The following LRRC39 variants were observed in gnomAD, a reference collection of about 807,000 sequenced individuals.
LRRC39 encodes the protein leucine rich repeat containing 39.
Under a neutral mutation model 39.7 loss-of-function variants are expected in LRRC39, and 35 were observed. The observed-to-expected ratio is 0.88, with a 90% CI of 0.67 to 1.17. The LOEUF (loss-of-function observed/expected upper bound fraction) is 1.17, where lower values mean the gene tolerates loss of function less well. Among genes scored for constraint, LRRC39 ranks in the 50% most tolerant of loss-of-function variants. The pLI is 0.00. For missense variants in LRRC39, 357 were observed against 385.8 expected, an observed-to-expected ratio of 0.93 and a Z score of 0.62; for synonymous variants, 113 against 134.1, an observed-to-expected ratio of 0.84 and a Z score of 1.09.
In LRRC39 at chr1:100,148,506, C is replaced by A; in HGVS notation, c.*536G>T. The stretch of plus-strand genomic sequence containing the variant: ...TATAATGTGTCTTGGAAGCATGGGA[C>A]AAAGTACTTAGTACATTATGGGTTA... On this transcript the variant is annotated 3_prime_UTR_variant, in exon 10 of 10. Transcript: ENST00000370137. 9.4e-7 allele frequency: 1 copy of A among 1,068,082 alleles called. No individual in the cohort carries two copies. The highest frequency in any genetic ancestry group is 1.6e-5 in the African/African-American group (1 of 61,740). The allele number at this position is 1,068,082 out of a possible 1,614,324, so 66.2% of individuals were successfully genotyped here. A position where few individuals can be genotyped will look rare whatever the true frequency, so the allele number is the denominator to read the frequency against.
intron 1 of LRRC39, among the ~76,000 whole-genome samples, chr1:100,176,616 CCATATATAGAG>C (rs1659980487): frequency 6.6e-6 from 1 of 152,142 alleles, no homozygotes; most frequent in African/African-American, 2.4e-5. Context: ...AAGCCACAGT[CCATATATAGAG>C]CCAACAAAAT....
chr1:100,154,680 A>G lies in LRRC39; in HGVS notation c.812+371T>C, dbSNP rs1021805957. Among the ~76,000 whole-genome samples, 10 of 152,382 alleles carry G rather than the reference A, an allele frequency of 6.6e-5. No individual in the cohort carries two copies. In the East Asian group the frequency reaches 1.9e-3, roughly 29 times the overall value. ...AGTCATGCTTTTTTTCAGTTGATTC[A>G]AAATTTTGTCAACCAAGTTTTCAAA... On this transcript the variant is annotated intron_variant, in intron 8 of 9. Coordinates refer to ENST00000370137, the MANE Select transcript of LRRC39 (RefSeq NM_144620.4).
At chr1:100,151,096 T>G (rs1250641884) in intron 9 of LRRC39, among the ~76,000 whole-genome samples, 1 of 131,932 alleles carries the variant, frequency 7.6e-6, no homozygotes, top group Non-Finnish European at 1.5e-5. Flanking sequence ...ACCATTGCAC[T>G]CTAGCCTGGG....
intron 5 of LRRC39, 25 bp downstream of exon 5, chr1:100,159,234 C>T (rs749785967): frequency 3.9e-6 from 6 of 1,553,574 alleles, no homozygotes; most frequent in Admixed American, 1.9e-5. Context: ...TAAAATAGCA[C>T]AGGAATAAAA....
rs1183229986 is a variant in LRRC39 at position 100,168,439 on chromosome 1, A to G, written c.78T>C (p.Asn26=). 6.2e-7 allele frequency: 1 copy of G among 1,612,346 alleles called. No homozygotes were observed. Residue 26 remains asparagine (N), a synonymous_variant, in exon 3 of 10, where the codon AAT becomes AAC. Coordinates refer to ENST00000370137, the MANE Select transcript of LRRC39 (RefSeq NM_144620.4). ...EVWEKRIKKL[N]EDLKREKEFQ... is the part of the protein sequence containing the mutation. ...ATTCCTTCTCTCGCTTCAGGTCTTCATTGAGTTTCTTTATTCTTTTTTCCC... is the reference window on the plus strand; with the variant it reads ...ATTCCTTCTCTCGCTTCAGGTCTTCGTTGAGTTTCTTTATTCTTTTTTCCC...
chr1:100,156,791 C>A (rs1371932646), intron 6 of LRRC39, among the ~76,000 whole-genome samples: 1 of 152,118 alleles, frequency 6.6e-6, no homozygotes, highest in Non-Finnish European at 1.5e-5. Context: ...TGAGACCAGC[C>A]TGGGCAACAT....
In LRRC39 at chr1:100,159,414, G is replaced by T; in HGVS notation, c.221C>A (p.Thr74Asn). 6.3e-7 allele frequency: 1 copy of T among 1,588,522 alleles called. No individual in the cohort carries two copies. The highest frequency in any genetic ancestry group is 8.5e-7 in the Non-Finnish European group (1 of 1,169,920). ...CAGTTTCAGCAGAGAAGAAGGGAGG[G>T]TCTACAGTAAAAGAAATGATGGTTG... is the stretch of plus-strand genomic sequence containing the variant. ...ILKIEKEEWKTLPSSLLKLNQ... is the reference protein window; with the variant it reads ...ILKIEKEEWKNLPSSLLKLNQ... Residue 74 changes from threonine (T) to asparagine (N), a missense_variant and splice_region_variant, in exon 5 of 10, where the codon ACC becomes AAC. By Grantham distance (65) the Thr-to-Asn change is moderately conservative (BLOSUM62 0). Transcript: ENST00000370137.
intron 8 of LRRC39, among the ~76,000 whole-genome samples, chr1:100,154,177 C>G (rs935266749): frequency 3.3e-5 from 5 of 151,752 alleles, no homozygotes; most frequent in Non-Finnish European, 5.9e-5. Context: ...AACTAAAACC[C>G]AAAAATGTCT....
At chr1:100,154,011 GT>G (rs1340692275) in intron 8 of LRRC39, among the ~76,000 whole-genome samples, 1 of 150,590 alleles carries the variant, frequency 6.6e-6, no homozygotes. Context: ...TGTGAGTGAA[GT>G]TTTTTTAGCT....
intron 9 of LRRC39, chr1:100,149,666 TAATG>T (rs927819776): frequency 8.7e-6 from 3 of 345,990 alleles, no homozygotes; most frequent in Non-Finnish European, 1.6e-5. Context: ...AGAAATTAGA[TAATG>T]AAACCAAAAA....
At chr1:100,179,442 A>C (rs57124158), upstream of LRRC39, among the ~76,000 whole-genome samples, 221 of 134,432 alleles carry the variant, frequency 1.6e-3, 1 homozygote, top group African/African-American at 5.8e-3. Flanking sequence ...TGGTAGGATC[A>C]CTTGAGCCCA....
intron 7 of LRRC39, 92 bp from the exon 8 acceptor site, chr1:100,155,295 T>TA: frequency 8.6e-7 from 1 of 1,166,900 alleles, no homozygotes; most frequent in Non-Finnish European, 1.2e-6. Flanking sequence ...GTAGGGGTCT[T>TA]ATCATGTTGT....
chr1:100,163,595 TAAAAAAAAA>T (rs11455249), intron 3 of LRRC39, among the ~76,000 whole-genome samples: 1 of 132,336 alleles, frequency 7.6e-6, no homozygotes, highest in South Asian at 2.4e-4. Context: ...CAGCTTTTTC[TAAAAAAAAA>T]AAAAAAAAAA....
intron 2 of LRRC39, among the ~76,000 whole-genome samples, chr1:100,171,966 A>C (rs569155560): frequency 6.6e-6 from 1 of 152,320 alleles, no homozygotes; most frequent in South Asian, 2.1e-4. Context: ...TTTTAGAAGA[A>C]ATGAGGCTAA....
At chr1:100,158,121 T>C in intron 6 of LRRC39, 110 bp downstream of exon 6, 1 of 1,208,122 alleles carries the variant, frequency 8.3e-7, no homozygotes, top group Non-Finnish European at 1.2e-6. Context: ...ATATTTTTTC[T>C]GAAATACATA....
At chr1:100,153,896 G>T (rs1286721103) in intron 8 of LRRC39, among the ~76,000 whole-genome samples, 3 of 151,932 alleles carry the variant, frequency 2.0e-5, no homozygotes, top group Non-Finnish European at 4.4e-5. Context: ...GCTGTTATAG[G>T]CATGCACCAC....
At chr1:100,174,243 A>C (rs1399741709) in intron 1 of LRRC39, among the ~76,000 whole-genome samples, 1 of 152,158 alleles carries the variant, frequency 6.6e-6, no homozygotes, top group African/African-American at 2.4e-5. Context: ...AGTGTACCTG[A>C]ATAAGGAACC....
chr1:100,164,551 C>T (rs1202709465), intron 3 of LRRC39, among the ~76,000 whole-genome samples: 1 of 152,138 alleles, frequency 6.6e-6, no homozygotes, highest in Non-Finnish European at 1.5e-5. Context: ...AAAGTAAGGA[C>T]ATTTCTTTGG....
At chr1:100,154,159 A>C (rs976747449) in intron 8 of LRRC39, among the ~76,000 whole-genome samples, 2 of 152,172 alleles carry the variant, frequency 1.3e-5, no homozygotes, top group African/African-American at 4.8e-5. Flanking sequence ...CAAGCTATGT[A>C]AAATCCCAAC....
Sources: gnomAD v4.1 joint callset for allele counts (sites outside exome capture counted in the v4.1 genomes callset) on GRCh38, gnomAD v4.1.1 for gene constraint, MANE v1.5 for transcripts, NCBI Gene and HGNC (gene_info 2026-07-23, HGNC 2026-07-21) for gene names.